The following RREB1 variants were observed in gnomAD, a reference collection of about 807,000 sequenced individuals.
The protein encoded by RREB1 is ras-responsive element-binding protein 1.
In RREB1, 27 loss-of-function variants were observed where a neutral mutation model predicts 117.8. The ratio of observed to expected loss-of-function variants is 0.23; its 90% confidence interval spans 0.17 to 0.32. The LOEUF (loss-of-function observed/expected upper bound fraction) is 0.32. Ranked by LOEUF, RREB1 falls within the 10% of genes least tolerant of loss-of-function variation. The pLI is 1.00. For missense variants in RREB1, 2,577 were observed against 2,378.2 expected, an observed-to-expected ratio of 1.08 and a Z score of -1.74; for synonymous variants, 1,298 against 1,026.7, an observed-to-expected ratio of 1.26 and a Z score of -5.05.
intron 6 of RREB1, among the ~76,000 whole-genome samples, chr6:7,203,971 T>C (rs1299181330): frequency 6.6e-6 from 1 of 152,146 alleles, no homozygotes; most frequent in African/African-American, 2.4e-5. Flanking sequence ...TGGCCAGTGG[T>C]GGTGGCTGCA....
Position 7,230,148 on chromosome 6 carries a change from G to A in RREB1, c.2049G>A (p.Lys683=). 1 of 1,606,538 alleles carries A rather than the reference G, an allele frequency of 6.2e-7. No homozygotes were observed. Among genetic ancestry groups the A allele is most frequent in the Non-Finnish European group, 8.5e-7 (1 of 1,179,096 alleles). ...TCTGCGACTACATCGCCGCCGACAA[G>A]GCCGCGCTCATCCGCCACCTGCGCA... is the stretch of plus-strand genomic sequence containing the variant. ...CNICDYIAAD[K]AALIRHLRTH... Residue 683 remains lysine (K), a synonymous_variant, in exon 10 of 13, where the codon AAG becomes AAA. Coordinates refer to ENST00000379938, the MANE Select transcript of RREB1 (RefSeq NM_001003699.4).
intron 1 of RREB1, among the ~76,000 whole-genome samples, chr6:7,116,104 C>T (rs563803362): frequency 1.6e-4 from 25 of 152,318 alleles, no homozygotes; most frequent in Admixed American, 7.2e-4. Context: ...GAACTAAAGC[C>T]GTGCGTGGTG....
intron 1 of RREB1, among the ~76,000 whole-genome samples, chr6:7,124,096 T>C (rs1761801461): frequency 6.6e-6 from 1 of 152,206 alleles, no homozygotes. Flanking sequence ...TAGTAAGCTC[T>C]GGGACCGGGG....
At chr6:7,194,524 G>A (rs138243054) in intron 6 of RREB1, among the ~76,000 whole-genome samples, 4 of 152,272 alleles carry the variant, frequency 2.6e-5, no homozygotes, top group East Asian at 1.9e-4. Flanking sequence ...GCACTCCAGC[G>A]TGGGGAACAG....
intron 1 of RREB1, among the ~76,000 whole-genome samples, chr6:7,173,891 C>T (rs1371796918): frequency 6.6e-6 from 1 of 152,198 alleles, no homozygotes; most frequent in Non-Finnish European, 1.5e-5. Context: ...CTCCTTAGAC[C>T]TGGAGACCTG....
chr6:7,170,572 A>G (rs1372545167), intron 1 of RREB1, among the ~76,000 whole-genome samples: 1 of 152,240 alleles, frequency 6.6e-6, no homozygotes. Flanking sequence ...GGCTGCGTGA[A>G]GGCCCAGGCC....
At chr6:7,178,973 C>G (rs1205849937) in intron 2 of RREB1, among the ~76,000 whole-genome samples, 2 of 152,202 alleles carry the variant, frequency 1.3e-5, no homozygotes, top group Non-Finnish European at 2.9e-5. Context: ...ACTATACTGA[C>G]TGTTGCTAGG....
rs74553614 is a variant in RREB1, at chr6:7,167,295, G to C, written c.-284-9360G>C. ...CTCATTGGCCAGGGGATTGCATTTG[G>C]GAAAAGCCAAATTATATTTATTTTA... On this transcript the variant is annotated intron_variant, in intron 1 of 12. Transcript: ENST00000379938. Among the ~76,000 whole-genome samples the C allele has an allele frequency of 5.0e-4, 76 of 152,180 alleles. 2 individuals carry two copies. In the East Asian group the frequency reaches 0.014, roughly 27 times the overall value.
intron 2 of RREB1, among the ~76,000 whole-genome samples, chr6:7,179,789 A>G (rs1250339167): frequency 6.8e-6 from 1 of 146,608 alleles, no homozygotes. Flanking sequence ...AGAAAGTTTG[A>G]AACACAGTTT....
chr6:7,229,245 G>A lies in RREB1; in HGVS notation c.1146G>A (p.Glu382=), dbSNP rs774954588. ...ACGTCAGGCCTGCCCCCGCCGAGGA[G>A]CCCCTGCCGGATGACAACCAGGCAA... ...TKDVRPAPAE[E]PLPDDNQAIQ... Residue 382 remains glutamate, a synonymous_variant, in exon 10 of 13, where the codon GAG becomes GAA. Transcript: ENST00000379938. The surrounding 1 kb of genome is among the most constrained non-coding windows in gnomAD (Gnocchi z 4.5). 6.2e-7 allele frequency: 1 copy of A among 1,613,862 alleles called. No individual in the cohort carries two copies. The highest frequency in any genetic ancestry group is 8.5e-7 in the Non-Finnish European group (1 of 1,179,980).
At chr6:7,116,554 T>G (rs1421628124) in intron 1 of RREB1, among the ~76,000 whole-genome samples, 1 of 152,190 alleles carries the variant, frequency 6.6e-6, no homozygotes, top group Non-Finnish European at 1.5e-5. Context: ...GTGTGTTGAT[T>G]TCTGATACAA....
intron 10 of RREB1, among the ~76,000 whole-genome samples, chr6:7,236,278 A>G (rs756755097): frequency 1.3e-5 from 2 of 152,104 alleles, no homozygotes; most frequent in Admixed American, 6.5e-5. Context: ...GCTTGGGACT[A>G]TGGGGTGTCC....
At chr6:7,218,684 G>A (rs2113045965) in intron 8 of RREB1, 1 of 152,204 alleles carries the variant, frequency 6.6e-6, no homozygotes, top group African/African-American at 2.4e-5. Context: ...TAACTCTGCT[G>A]TGAGGTATCA....
chr6:7,138,174 T>C (rs1762423392), intron 1 of RREB1, among the ~76,000 whole-genome samples: 1 of 152,228 alleles, frequency 6.6e-6, no homozygotes, highest in Non-Finnish European at 1.5e-5. Flanking sequence ...TTTTCCAGTT[T>C]AAGCTGCATG....
At position 7,230,344 on chromosome 6, in the gene RREB1, T is replaced by C. The variant is rs761607859; in HGVS notation, c.2245T>C (p.Cys749Arg). 2.5e-6 allele frequency: 4 copies of C among 1,590,614 alleles called. No individual in the cohort carries two copies. The East Asian group carries it at 9.0e-5, about 36-fold the overall frequency. The change falls in exon 10 of 13, where the codon TGC (cysteine) becomes CGC (arginine). Residue 749 changes from cysteine (C) to arginine (R), a missense_variant. Cys to Arg is a radical substitution (Grantham distance 180). Transcript: ENST00000379938. ...SSAAELVDAFCAPDTVCRLCG... is the reference protein window; with the variant it reads ...SSAAELVDAFRAPDTVCRLCG... ...CGCGGCCGAGCTGGTGGACGCCTTC[T>C]GCGCCCCGGACACCGTGTGCCGGCT...
chr6:7,213,549 C>G (rs11759093), intron 8 of RREB1: 1 of 152,230 alleles, frequency 6.6e-6, no homozygotes, highest in Admixed American at 6.5e-5. Flanking sequence ...CCCTCTAGTT[C>G]TGAGAGATTT....
chr6:7,157,677 C>T (rs752703876), intron 1 of RREB1, among the ~76,000 whole-genome samples: 10 of 151,716 alleles, frequency 6.6e-5, no homozygotes, highest in East Asian at 1.9e-4. Context: ...AAGCTGAGGT[C>T]GGAGGGTTGC....
chr6:7,153,127 G>A (rs1232282903), intron 1 of RREB1, among the ~76,000 whole-genome samples: 1 of 50,442 alleles, frequency 2.0e-5, no homozygotes, highest in Non-Finnish European at 4.1e-5. Flanking sequence ...TTTTTTTTTT[G>A]AGGAAAATAT....
intron 6 of RREB1, among the ~76,000 whole-genome samples, chr6:7,202,047 C>T (rs780875411): frequency 2.0e-5 from 3 of 152,154 alleles, no homozygotes; most frequent in Non-Finnish European, 2.9e-5. Flanking sequence ...TCTTTGGATT[C>T]ATTTATATTC....
Sources: allele counts gnomAD v4.1 joint callset (sites outside exome capture counted in the v4.1 genomes callset), GRCh38; gene constraint gnomAD v4.1.1; non-coding constraint Gnocchi (gnomAD v3.1); transcripts MANE v1.5; gene names NCBI Gene and HGNC (gene_info 2026-07-23, HGNC 2026-07-21).